Variants in CPNE9 observed in about 807,000 individuals in gnomAD.
CPNE9 encodes copine family member 9, also known as copine-9.
A neutral mutation model predicts 83.0 loss-of-function variants in CPNE9; 59 were observed. The observed-to-expected ratio is 0.71, with a 90% CI of 0.58 to 0.88. CPNE9 has a LOEUF of 0.88. Ranked by LOEUF, CPNE9 falls within the 40% of genes least tolerant of loss-of-function variation. The probability of loss-of-function intolerance (pLI) is 0.00; values close to 1 mark genes in which losing one functional copy is unlikely to be tolerated. For synonymous variants in CPNE9, 256 were observed against 273.4 expected, an observed-to-expected ratio of 0.94 and a Z score of 0.63; for missense variants, 619 against 720.8, an observed-to-expected ratio of 0.86 and a Z score of 1.62.
chr3:9,705,031 C>G (rs767971467), intron 4 of CPNE9, 37 bp downstream of exon 4: 15 of 1,481,318 alleles, frequency 1.0e-5, no homozygotes, highest in African/African-American at 4.2e-5. Flanking sequence ...TGGCCCGCCC[C>G]CGACCTGGAT....
In CPNE9 at chr3:9,704,464, T is replaced by C. The variant is rs774930838; in HGVS notation, c.69-123T>C. Reference sequence around the variant, plus strand: ...TGACAGAGCGGACCCCGGCTGGGGGTAGCCATGGGGGACAGAGGTTCGATG... The same window carrying C: ...TGACAGAGCGGACCCCGGCTGGGGGCAGCCATGGGGGACAGAGGTTCGATG... On this transcript the variant is annotated intron_variant, in intron 1 of 20. Coordinates refer to ENST00000383832, the MANE Select transcript of CPNE9 (RefSeq NM_153635.3). The surrounding 1 kb of genome is among the most constrained non-coding windows in gnomAD (Gnocchi z 7.1). 3.6e-4 allele frequency: 305 copies of C among 852,388 alleles called. No individual in the cohort carries two copies. Among genetic ancestry groups the C allele is most frequent in the Non-Finnish European group, 5.8e-4 (286 of 489,006 alleles). The allele number at this position is 852,388 out of a possible 1,614,324, so 52.8% of individuals were successfully genotyped here.
chr3:9,714,429 G>GA (rs1409546268), intron 10 of CPNE9, among the ~76,000 whole-genome samples: 4 of 151,942 alleles, frequency 2.6e-5, no homozygotes, highest in African/African-American at 7.2e-5. Context: ...AAAGTCTTTG[G>GA]AATCAGGATG....
chr3:9,726,380 G>A lies in CPNE9; in HGVS notation c.1345-285G>A, dbSNP rs76083517. 5.8e-4 allele frequency among the ~76,000 whole-genome samples: 88 copies of A among 152,242 alleles called. No homozygotes were observed. The East Asian group carries it at 0.013, about 23-fold the overall frequency. ...TTGAGTCTTTTATAATGGACAGTAA[G>A]CATGCTTGCCTTTTGTTCCAAAGGT... On this transcript the variant is annotated intron_variant, in intron 18 of 20. Transcript: ENST00000383832.
At chr3:9,727,063 G>T (rs201623697) in intron 19 of CPNE9, 50 bp from the exon 20 acceptor site, 5 of 1,598,698 alleles carry the variant, frequency 3.1e-6, no homozygotes, top group Admixed American at 3.3e-5. Flanking sequence ...GGGGCAGCAT[G>T]GGGTGGGGCT....
At chr3:9,727,576 A>AG (rs2125477778) in intron 20 of CPNE9, 1 of 605,432 alleles carries the variant, frequency 1.7e-6, no homozygotes, top group East Asian at 2.8e-5. Context: ...GACCTAAGGG[A>AG]GGGGATAAGC....
Position 9,704,280 on chromosome 3 carries a change from G to A in CPNE9, c.68+216G>A, listed in dbSNP as rs900980079. ...AAAGGGCTCAGCCTGCGGGTTCAGG[G>A]GGTGGGTCGCAGATATCCGGTAGGA... is the stretch of plus-strand genomic sequence containing the variant. On this transcript the variant is annotated intron_variant, in intron 1 of 20. Transcript: ENST00000383832. This position sits in a 1 kb window ranked among gnomAD's most constrained non-coding sequence, Gnocchi z 7.1. Among the ~76,000 whole-genome samples, 2 of 152,214 alleles carry A rather than the reference G, an allele frequency of 1.3e-5. No individual in the cohort carries two copies. Among genetic ancestry groups the A allele is most frequent in the African/African-American group, 4.8e-5 (2 of 41,464 alleles).
chr3:9,709,962 C>T (rs2076609397), intron 7 of CPNE9, among the ~76,000 whole-genome samples: 1 of 149,672 alleles, frequency 6.7e-6, no homozygotes, highest in African/African-American at 2.5e-5. Flanking sequence ...TGCACTCCAG[C>T]CTGGGCGACA....
chr3:9,707,169 C>T (rs1176793402), intron 7 of CPNE9, among the ~76,000 whole-genome samples: 6 of 151,770 alleles, frequency 4.0e-5, no homozygotes, highest in East Asian at 1.9e-4. Flanking sequence ...CTGGCTAACA[C>T]GGTGAAACCC....
chr3:9,716,985 C>T (rs940762012), intron 14 of CPNE9, 73 bp from the exon 15 acceptor site: 6 of 1,499,074 alleles, frequency 4.0e-6, no homozygotes, highest in African/African-American at 1.4e-5. Context: ...TCCATATGCA[C>T]ATTACTGTTT....
chr3:9,725,069 G>A (rs1333600772), intron 17 of CPNE9, among the ~76,000 whole-genome samples: 1 of 151,976 alleles, frequency 6.6e-6, no homozygotes, highest in Non-Finnish European at 1.5e-5. Flanking sequence ...GATCCCCTCT[G>A]GTACCGTCAT....
chr3:9,712,632 G>A (rs938699729), intron 8 of CPNE9, 28 bp downstream of exon 8: 17 of 1,612,084 alleles, frequency 1.1e-5, no homozygotes, highest in Non-Finnish European at 1.4e-5. Context: ...GCTAGACCCA[G>A]GAGCTCCCTT....
At chr3:9,711,460 G>A (rs1455629858) in intron 7 of CPNE9, among the ~76,000 whole-genome samples, 2 of 151,860 alleles carry the variant, frequency 1.3e-5, no homozygotes, top group Non-Finnish European at 1.5e-5. Flanking sequence ...CAGGTGATCC[G>A]CCCGCCTAGG....
chr3:9,713,742 G>A (rs2076651695), intron 10 of CPNE9, among the ~76,000 whole-genome samples: 1 of 152,070 alleles, frequency 6.6e-6, no homozygotes, highest in Admixed American at 6.6e-5. Context: ...AGATGGATAG[G>A]CCAACCAAAT....
intron 10 of CPNE9, 101 bp from the exon 11 acceptor site, chr3:9,714,813 G>C: frequency 1.0e-6 from 1 of 981,672 alleles, no homozygotes; most frequent in Non-Finnish European, 1.6e-6. Flanking sequence ...TGGGAAGACA[G>C]ATGGGTGGAT....
At position 9,704,724 on chromosome 3, in the gene CPNE9, C is replaced by T; in HGVS notation, c.110-25C>T. On this transcript the variant is annotated intron_variant, in intron 2 of 20. Transcript: ENST00000383832. This position sits in a 1 kb window ranked among gnomAD's most constrained non-coding sequence, Gnocchi z 7.1. ...CAGGGGTGGGAGCCGACCTGACGTCCTTCCCTCCCCGCCCCCACCTGCAGT... is the reference window on the plus strand; with the variant it reads ...CAGGGGTGGGAGCCGACCTGACGTCTTTCCCTCCCCGCCCCCACCTGCAGT... 6.2e-7 allele frequency: 1 copy of T among 1,612,346 alleles called. No individual in the cohort carries two copies. The highest frequency in any genetic ancestry group is 8.5e-7 in the Non-Finnish European group (1 of 1,179,446).
chr3:9,707,998 G>A (rs2076581425), intron 7 of CPNE9, among the ~76,000 whole-genome samples: 1 of 152,184 alleles, frequency 6.6e-6, no homozygotes, highest in African/African-American at 2.4e-5. Context: ...GAGCGCGATG[G>A]TGCAATGGTA....
At chr3:9,721,965 C>T (rs1014567996) in intron 17 of CPNE9, among the ~76,000 whole-genome samples, 11 of 151,670 alleles carry the variant, frequency 7.3e-5, no homozygotes, top group African/African-American at 2.7e-4. Context: ...GTCACCCAGG[C>T]TGGAGTGCAG....
chr3:9,706,178 G>T, intron 7 of CPNE9, 115 bp downstream of exon 7: 2 of 929,874 alleles, frequency 2.2e-6, no homozygotes, highest in East Asian at 5.1e-5. Context: ...TCAGGAGCCT[G>T]CCCCGGCTCC....
chr3:9,721,826 G>T (rs1009727118), intron 17 of CPNE9, among the ~76,000 whole-genome samples: 2 of 152,164 alleles, frequency 1.3e-5, no homozygotes, highest in African/African-American at 2.4e-5. Context: ...TCAGGCATGG[G>T]CTTGGACCCC....
Sources: allele counts gnomAD v4.1 joint callset (sites outside exome capture counted in the v4.1 genomes callset), GRCh38; gene constraint gnomAD v4.1.1; non-coding constraint Gnocchi (gnomAD v3.1); transcripts MANE v1.5; gene names NCBI Gene and HGNC (gene_info 2026-07-23, HGNC 2026-07-21).